Variants in RERE observed in about 807,000 individuals in gnomAD.
The protein encoded by RERE is arginine-glutamic acid dipeptide repeats.
In RERE, 40 loss-of-function variants were observed where a neutral mutation model predicts 146.1. That is an observed-to-expected ratio of 0.27 (90% CI 0.21 to 0.36). RERE has a LOEUF of 0.36. RERE is among the 10% of genes least tolerant of loss of function. RERE has a pLI of 1.00. For missense variants in RERE, 1,933 were observed against 2,138.7 expected, an observed-to-expected ratio of 0.90 and a Z score of 1.90; for synonymous variants, 1,003 against 866.0, an observed-to-expected ratio of 1.16 and a Z score of -2.78.
At chr1:8,765,349 G>C (rs1274070439) in intron 1 of RERE, among the ~76,000 whole-genome samples, 1 of 152,188 alleles carries the variant, frequency 6.6e-6, no homozygotes, top group Non-Finnish European at 1.5e-5. Flanking sequence ...GATGAGTAGA[G>C]GAGGAAATGA....
chr1:8,406,934 C>T lies in RERE; in HGVS notation c.1284+15793G>A, dbSNP rs993234695. On this transcript the variant is annotated intron_variant, in intron 12 of 22. Transcript: ENST00000400908. ...CCTGCCACAAATGTGCTACAGAGCC[C>T]GCATCATCTCCACAACAAAACACCC... is the stretch of plus-strand genomic sequence containing the variant. 5.3e-5 allele frequency among the ~76,000 whole-genome samples: 8 copies of T among 152,216 alleles called. No homozygotes were observed. In the East Asian group the frequency reaches 1.5e-3, roughly 29 times the overall value.
At chr1:8,753,015 ATTTTAAT>A (rs1266286360) in intron 1 of RERE, among the ~76,000 whole-genome samples, 1 of 152,206 alleles carries the variant, frequency 6.6e-6, no homozygotes, top group African/African-American at 2.4e-5. Context: ...GATCAATATT[ATTTTAAT>A]TTTTAAAGGT....
chr1:8,716,772 A>T (rs1170218643), intron 1 of RERE, among the ~76,000 whole-genome samples: 2 of 152,100 alleles, frequency 1.3e-5, no homozygotes, highest in African/African-American at 4.8e-5. Context: ...TGCTTTGATC[A>T]CCTGGTGAAG....
intron 1 of RERE, among the ~76,000 whole-genome samples, chr1:8,726,782 G>C (rs966070704): frequency 6.6e-6 from 1 of 151,924 alleles, no homozygotes; most frequent in African/African-American, 2.4e-5. Context: ...CAAGCTTTCA[G>C]TATTCTAATA....
Position 8,359,958 on chromosome 1 carries a change from T to C in RERE, c.3424A>G (p.Asn1142Asp). The C allele has an allele frequency of 6.2e-7, 1 of 1,613,070 alleles. No homozygotes were observed. Among genetic ancestry groups the C allele is most frequent in the Non-Finnish European group, 8.5e-7 (1 of 1,180,014 alleles). The change falls in exon 19 of 23, where the codon AAC becomes GAC. Residue 1142 changes from asparagine to aspartate, a missense_variant. Asn to Asp is a conservative substitution (Grantham distance 23). This residue lies in a region of RERE where 1,255 missense variants were observed against 1,153.8 expected (regional missense o/e 1.09). Transcript: ENST00000400908. ...RFYKHLDRGY[N>D]SCARTDLYFM... ...TACAGGTCTGTCCGGGCACACGAGT[T>C]GTAGCCCCGGTCCAGGTGTTTGTAG... is the stretch of plus-strand genomic sequence containing the variant.
chr1:8,630,075 A>C (rs778175227), intron 2 of RERE, among the ~76,000 whole-genome samples: 7 of 152,178 alleles, frequency 4.6e-5, no homozygotes, highest in Non-Finnish European at 8.8e-5. Flanking sequence ...GAGGTACAGT[A>C]TGTTGGTCTA....
chr1:8,773,018 T>C (rs1640984009), intron 1 of RERE, among the ~76,000 whole-genome samples: 2 of 151,594 alleles, frequency 1.3e-5, no homozygotes, highest in Admixed American at 6.6e-5. Flanking sequence ...ACCCAGGAGG[T>C]GAAGGTTGCA....
rs903438773 is a variant in RERE, at chr1:8,575,563, T to TA, written c.523-18041_523-18040insT. 7.4e-3 allele frequency among the ~76,000 whole-genome samples: 625 copies of TA among 84,630 alleles called. 5 individuals are homozygous for TA. The highest frequency in any genetic ancestry group is 0.068 in the East Asian group (132 of 1,948). 55.5% of individuals were successfully genotyped at this position (84,630 alleles called of 152,430 possible). On this transcript the variant is annotated intron_variant, in intron 4 of 22. Transcript: ENST00000400908. ...TATATATATATATATATATATATAT[T>TA]TTTTTTTTTTTTGGCAGAGACAGTG...
At chr1:8,428,828 A>G (rs1028396453) in intron 11 of RERE, among the ~76,000 whole-genome samples, 1 of 152,222 alleles carries the variant, frequency 6.6e-6, no homozygotes, top group African/African-American at 2.4e-5. Context: ...AACCACGTCA[A>G]AATGCATTAA....
chr1:8,657,056 G>A (rs1328071308), intron 1 of RERE, among the ~76,000 whole-genome samples: 38 of 151,952 alleles, frequency 2.5e-4, no homozygotes, highest in African/African-American at 8.5e-4. Flanking sequence ...TAATCCCAGC[G>A]CTTTGGGAGG....
intron 4 of RERE, among the ~76,000 whole-genome samples, chr1:8,610,935 G>A (rs1353266398): frequency 1.3e-5 from 2 of 149,676 alleles, no homozygotes; most frequent in East Asian, 2.0e-4. Context: ...TGGCTCACAT[G>A]TGTAATCCCA....
intron 11 of RERE, among the ~76,000 whole-genome samples, chr1:8,439,662 G>A (rs1425150911): frequency 6.6e-6 from 1 of 152,234 alleles, no homozygotes; most frequent in Non-Finnish European, 1.5e-5. Context: ...ACACCCCCTG[G>A]CGGTTCCAGG....
intron 7 of RERE, among the ~76,000 whole-genome samples, chr1:8,515,947 T>C (rs777746265): frequency 5.9e-5 from 9 of 151,774 alleles, no homozygotes; most frequent in Non-Finnish European, 1.3e-4. Flanking sequence ...CCGGGTGCGG[T>C]GGCTCGTGCC....
intron 7 of RERE, chr1:8,511,657 C>T (rs1048845711): frequency 6.6e-6 from 1 of 152,190 alleles, no homozygotes; most frequent in African/African-American, 2.4e-5. Context: ...ACAAGAAGTA[C>T]ACATGGTGGG....
chr1:8,808,636 C>T (rs1333002259), intron 1 of RERE, among the ~76,000 whole-genome samples: 2 of 152,150 alleles, frequency 1.3e-5, no homozygotes, highest in Non-Finnish European at 1.5e-5. Context: ...AGTTAATAAG[C>T]AGTGGGCTGC....
At chr1:8,510,619 C>T (rs1383998528) in intron 7 of RERE, among the ~76,000 whole-genome samples, 2 of 152,198 alleles carry the variant, frequency 1.3e-5, no homozygotes, top group African/African-American at 2.4e-5. Context: ...AAGCAGTCAG[C>T]GTTACCACTA....
In RERE at chr1:8,423,690, C is replaced by G. The variant is rs1643952178; in HGVS notation, c.1204-883G>C. 14 of 982,836 alleles carry G rather than the reference C, an allele frequency of 1.4e-5. No individual in the cohort carries two copies. The highest frequency in any genetic ancestry group is 1.7e-5 in the Non-Finnish European group (14 of 829,154). The allele number at this position is 982,836 out of a possible 1,614,324, so 60.9% of individuals were successfully genotyped here. On this transcript the variant is annotated intron_variant, in intron 11 of 22. Transcript: ENST00000400908. The surrounding 1 kb of genome is among the most constrained non-coding windows in gnomAD (Gnocchi z 5.4). ...TCCACAAAGCGCAGGGCGGAGGCGGCCGCGGGTGGCTCGGCGTGTGACCGC... is the reference window on the plus strand; with the variant it reads ...TCCACAAAGCGCAGGGCGGAGGCGGGCGCGGGTGGCTCGGCGTGTGACCGC...
At position 8,489,447 on chromosome 1, in the gene RERE, G is replaced by A. The variant is rs151113174; in HGVS notation, c.1104+5616C>T. Among the ~76,000 whole-genome samples the A allele has an allele frequency of 3.2e-3, 483 of 151,576 alleles. 3 individuals are homozygous for A. The highest frequency in any genetic ancestry group is 0.011 in the African/African-American group (441 of 41,358). On this transcript the variant is annotated intron_variant, in intron 10 of 22. Coordinates refer to ENST00000400908, the MANE Select transcript of RERE (RefSeq NM_001042681.2). ...ATAATTCCCAATACATATATCAAAG[G>A]ACTTCTACCTGAAATATTAACAAAC...
intron 11 of RERE, among the ~76,000 whole-genome samples, chr1:8,446,073 C>G (rs1179117891): frequency 2.0e-5 from 3 of 152,184 alleles, no homozygotes; most frequent in African/African-American, 7.2e-5. Context: ...GTGACAAAAT[C>G]TCTCAGCATT....
Sources: allele counts gnomAD v4.1 joint callset (sites outside exome capture counted in the v4.1 genomes callset), GRCh38; gene constraint gnomAD v4.1.1; regional missense constraint gnomAD v4.1.1; non-coding constraint Gnocchi (gnomAD v3.1); transcripts MANE v1.5; gene names NCBI Gene and HGNC (gene_info 2026-07-23, HGNC 2026-07-21).